The following CAPZB variants were observed in gnomAD, a reference collection of about 807,000 sequenced individuals.
CAPZB encodes the protein F-actin-capping protein subunit beta.
A neutral mutation model predicts 38.1 loss-of-function variants in CAPZB; 2 were observed. That is an observed-to-expected ratio of 0.05 (90% confidence interval 0.02 to 0.17). CAPZB has a LOEUF of 0.17. Ranked by LOEUF, CAPZB falls within the 10% of genes least tolerant of loss-of-function variation. The pLI is 1.00. For synonymous variants in CAPZB, 107 were observed against 127.4 expected (o/e 0.84, Z 1.08); for missense variants, 161 against 334.2 (o/e 0.48, Z 4.04).
At chr1:19,349,505 C>T (rs747213751) in intron 6 of CAPZB, among the ~76,000 whole-genome samples, 1 of 152,170 alleles carries the variant, frequency 6.6e-6, no homozygotes. Flanking sequence ...CCGCGGCCAT[C>T]GGCAAAGGTC....
intron 6 of CAPZB, among the ~76,000 whole-genome samples, chr1:19,352,902 G>T (rs2093999570): frequency 6.6e-6 from 1 of 152,242 alleles, no homozygotes; most frequent in Non-Finnish European, 1.5e-5. Context: ...CCAGGAGAGT[G>T]GCGCTCTGCC....
chr1:19,472,923 T>C (rs924114030), intron 1 of CAPZB, among the ~76,000 whole-genome samples: 6 of 151,958 alleles, frequency 3.9e-5, no homozygotes, highest in African/African-American at 1.5e-4. Context: ...TTCATCATGT[T>C]AGCCAGGATG....
chr1:19,384,813 G>A (rs890383353), intron 3 of CAPZB, among the ~76,000 whole-genome samples: 12 of 152,150 alleles, frequency 7.9e-5, no homozygotes, highest in African/African-American at 2.9e-4. Context: ...ACTCCTACAT[G>A]CCCTTAAAAC....
chr1:19,348,369 G>A (rs1349803640), intron 6 of CAPZB, among the ~76,000 whole-genome samples: 1 of 152,122 alleles, frequency 6.6e-6, no homozygotes, highest in African/African-American at 2.4e-5. Context: ...ACAGGTGTGT[G>A]CCACTGTACC....
intron 1 of CAPZB, among the ~76,000 whole-genome samples, chr1:19,477,328 G>A (rs1041426747): frequency 1.3e-5 from 2 of 152,208 alleles, no homozygotes; most frequent in African/African-American, 4.8e-5. Flanking sequence ...ACACCACCCT[G>A]TGCCCAAAAG....
intron 2 of CAPZB, among the ~76,000 whole-genome samples, chr1:19,404,202 C>T (rs946784369): frequency 7.0e-6 from 1 of 143,702 alleles, no homozygotes. Context: ...AACTGCACTC[C>T]AGCCTGGGAG....
At chr1:19,480,669 T>C (rs2094625009) in intron 1 of CAPZB, among the ~76,000 whole-genome samples, 2 of 152,182 alleles carry the variant, frequency 1.3e-5, no homozygotes, top group Admixed American at 1.3e-4. Context: ...CACAGGGGGT[T>C]CCACTGGCAC....
intron 7 of CAPZB, 107 bp from the exon 8 acceptor site, chr1:19,344,541 T>TGGC: frequency 1.2e-6 from 1 of 859,756 alleles, no homozygotes; most frequent in Non-Finnish European, 2.0e-6. Flanking sequence ...CACTGGAGGG[T>TGGC]GGCACACGCC....
chr1:19,417,739 G>A (rs952501587), intron 2 of CAPZB, among the ~76,000 whole-genome samples: 10 of 151,960 alleles, frequency 6.6e-5, no homozygotes, highest in Non-Finnish European at 8.8e-5. Context: ...AACCCCTCCA[G>A]CCCACACTGC....
intron 4 of CAPZB, among the ~76,000 whole-genome samples, chr1:19,364,163 A>G (rs2094070139): frequency 6.6e-6 from 1 of 152,250 alleles, no homozygotes; most frequent in Admixed American, 6.5e-5. Flanking sequence ...AATAAAGCCA[A>G]GGGAAAGGCA....
rs768548669 is a variant in CAPZB, at chr1:19,339,158, T to A, written c.*372A>T. On this transcript the variant is annotated 3_prime_UTR_variant, in exon 9 of 9. Transcript: ENST00000264202. ...CACACCACAGTTAGTTCATAAAATT[T>A]TTTTGTTTTACATTTTTTACACCAA... 4.4e-5 allele frequency: 10 copies of A among 227,148 alleles called. No homozygotes were observed. The highest frequency in any genetic ancestry group is 8.7e-5 in the Non-Finnish European group (10 of 114,422). The allele number at this position is 227,148 out of a possible 1,614,324, so 14.1% of individuals were successfully genotyped here. A position where few individuals can be genotyped will look rare whatever the true frequency, so the allele number is the denominator to read the frequency against.
chr1:19,356,583 T>C lies in CAPZB; in HGVS notation c.588+52A>G, dbSNP rs1569931270. On this transcript the variant is annotated intron_variant, in intron 6 of 8. Transcript: ENST00000264202. The surrounding 1 kb of genome is among the most constrained non-coding windows in gnomAD (Gnocchi z 4.3). ...CTCACTCATCTCTGCAGGTCAGCACTGAGGCCAGCACCTGTGGGCACTGGC... is the reference window on the plus strand; with the variant it reads ...CTCACTCATCTCTGCAGGTCAGCACCGAGGCCAGCACCTGTGGGCACTGGC... 8.3e-7 allele frequency: 1 copy of C among 1,210,268 alleles called. No individual in the cohort carries two copies. The highest frequency in any genetic ancestry group is 1.2e-6 in the Non-Finnish European group (1 of 811,088). 75.0% of individuals were successfully genotyped at this position (1,210,268 alleles called of 1,614,324 possible).
At chr1:19,419,112 G>A (rs889411842) in intron 2 of CAPZB, among the ~76,000 whole-genome samples, 1 of 152,196 alleles carries the variant, frequency 6.6e-6, no homozygotes, top group East Asian at 1.9e-4. Flanking sequence ...GCAACATCTT[G>A]AGACCAATCA....
intron 1 of CAPZB, among the ~76,000 whole-genome samples, chr1:19,434,507 T>A (rs1174735045): frequency 6.7e-6 from 1 of 149,654 alleles, no homozygotes; most frequent in Non-Finnish European, 1.5e-5. Context: ...AGAGGACAGC[T>A]TGAGGCCAGG....
rs377159264 is a variant in CAPZB, at chr1:19,375,241, C to G, written c.329+3299G>C. ...AGACTATAAATGGGTTGGTTCGTCA[C>G]ATGTGGTTCAGCTGGGAAAACGTTC... On this transcript the variant is annotated intron_variant, in intron 4 of 8. Coordinates refer to ENST00000264202, the MANE Select transcript of CAPZB (RefSeq NM_004930.5). Among the ~76,000 whole-genome samples, 45 of 152,344 alleles carry G rather than the reference C, an allele frequency of 3.0e-4. 1 individual carries two copies. The South Asian group carries it at 9.1e-3, about 31-fold the overall frequency.
At chr1:19,469,133 C>A (rs1373164546) in intron 1 of CAPZB, among the ~76,000 whole-genome samples, 1 of 152,104 alleles carries the variant, frequency 6.6e-6, no homozygotes, top group Non-Finnish European at 1.5e-5. Context: ...CAGCAGTAGT[C>A]AAAGGAAGCT....
At chr1:19,483,241 T>C (rs2094636829) in intron 1 of CAPZB, among the ~76,000 whole-genome samples, 2 of 152,248 alleles carry the variant, frequency 1.3e-5, no homozygotes, top group African/African-American at 2.4e-5. Flanking sequence ...CATGTTTGAA[T>C]ATCCCATTTT....
In CAPZB at chr1:19,455,898, T is replaced by C. The variant is rs2094531634; in HGVS notation, c.3+29538A>G. 1.3e-5 allele frequency among the ~76,000 whole-genome samples: 2 copies of C among 152,190 alleles called. 1 individual carries two copies. Among genetic ancestry groups the C allele is most frequent in the South Asian group, 4.1e-4 (2 of 4,832 alleles). On this transcript the variant is annotated intron_variant, in intron 1 of 8. Coordinates refer to ENST00000264202, the MANE Select transcript of CAPZB (RefSeq NM_004930.5). ...GGCCAGTTTCCTACATTTTATAAGA[T>C]TCTTATATGCAAGGCTCTTGTTTAT...
chr1:19,414,214 C>T (rs947448796), intron 2 of CAPZB, among the ~76,000 whole-genome samples: 4 of 152,138 alleles, frequency 2.6e-5, no homozygotes, highest in African/African-American at 9.7e-5. Context: ...ATCATGCTGC[C>T]CCGATGGGGG....
Sources: gnomAD v4.1 joint callset for allele counts (sites outside exome capture counted in the v4.1 genomes callset) on GRCh38, gnomAD v4.1.1 for gene constraint, Gnocchi (gnomAD v3.1) non-coding constraint, MANE v1.5 for transcripts, NCBI Gene and HGNC (gene_info 2026-07-23, HGNC 2026-07-21) for gene names.